PCDHA3: variants seen among roughly 807,000 people sequenced by gnomAD.
PCDHA3 encodes the protein protocadherin alpha-3.
Under a neutral mutation model 62.2 loss-of-function variants are expected in PCDHA3, and 41 were observed. The ratio of observed to expected loss-of-function variants is 0.66; its 90% CI spans 0.51 to 0.86. The LOEUF (loss-of-function observed/expected upper bound fraction) is 0.86, where lower values mean the gene tolerates loss of function less well. PCDHA3 is among the 40% of genes least tolerant of loss of function. The probability of loss-of-function intolerance (pLI) is 0.00; values close to 1 mark genes in which losing one functional copy is unlikely to be tolerated. For missense variants in PCDHA3, 1,304 were observed against 1,241.2 expected (o/e 1.05, Z -0.76); for synonymous variants, 640 against 555.4 (o/e 1.15, Z -2.14).
Position 140,872,869 on chromosome 5 carries a change from T to G in PCDHA3, c.2394+69278T>G, listed in dbSNP as rs192241401. On this transcript the variant is annotated intron_variant, in intron 1 of 3. Coordinates refer to ENST00000522353, the MANE Select transcript of PCDHA3 (RefSeq NM_018906.3). ...ATTAATGTGAGTACCTACTGACAAT[T>G]ATCAGTTTCATTCATCTCACTTTGT... is the stretch of plus-strand genomic sequence containing the variant. 4.6e-5 allele frequency among the ~76,000 whole-genome samples: 7 copies of G among 152,364 alleles called. No individual in the cohort carries two copies. In the East Asian group the frequency reaches 1.3e-3, roughly 29 times the overall value.
chr5:140,873,412 T>C (rs2054273798), intron 1 of PCDHA3, among the ~76,000 whole-genome samples: 1 of 152,210 alleles, frequency 6.6e-6, no homozygotes, highest in Non-Finnish European at 1.5e-5. Context: ...GGTTAAAATT[T>C]TGTAAATTAT....
rs1554202869 is a variant in PCDHA3, at chr5:140,925,671, A to AATG, written c.2395-53276_2395-53275insGAT. Among the ~76,000 whole-genome samples the AATG allele has an allele frequency of 4.6e-4, 68 of 148,180 alleles. 1 individual carries two copies. The highest frequency in any genetic ancestry group is 1.6e-3 in the African/African-American group (66 of 40,022). On this transcript the variant is annotated intron_variant, in intron 1 of 3. Transcript: ENST00000522353. ...TAATAATAATAATAATAATAATAAT[A>AATG]ATAATAAAGCGAGGGTGGGTATCTA...
intron 1 of PCDHA3, chr5:140,841,578 T>C: frequency 1.2e-6 from 2 of 1,614,008 alleles, no homozygotes; most frequent in Non-Finnish European, 1.7e-6. Flanking sequence ...ATTTTGTTTG[T>C]GAATTCTCGG....
chr5:141,005,034 T>C (rs1435712039), intron 3 of PCDHA3, among the ~76,000 whole-genome samples: 1 of 152,222 alleles, frequency 6.6e-6, no homozygotes, highest in Non-Finnish European at 1.5e-5. Flanking sequence ...ATTGCCCATA[T>C]GTGATACCAT....
chr5:140,852,882 C>A (rs1562485802), intron 1 of PCDHA3: 2 of 936,178 alleles, frequency 2.1e-6, no homozygotes, highest in South Asian at 4.9e-5. Flanking sequence ...AATCATAAAA[C>A]GTATTTTTTT....
chr5:140,848,963 C>G (rs376979276), intron 1 of PCDHA3: 3 of 1,606,264 alleles, frequency 1.9e-6, no homozygotes, highest in Non-Finnish European at 1.7e-6. Flanking sequence ...CACTAGAGGG[C>G]GCGTCCGATG....
At chr5:140,884,130 C>A in intron 1 of PCDHA3, 1 of 1,613,434 alleles carries the variant, frequency 6.2e-7, no homozygotes, top group South Asian at 1.1e-5. Context: ...GCGCGCATCC[C>A]GTTCCGCGTG....
At chr5:140,952,301 T>C (rs246036) in intron 1 of PCDHA3, among the ~76,000 whole-genome samples, 3 of 149,380 alleles carry the variant, frequency 2.0e-5, no homozygotes. Flanking sequence ...CACAGCCATT[T>C]CACTCCAGCC....
intron 1 of PCDHA3, chr5:140,811,340 A>G (rs955953470): frequency 1.3e-5 from 2 of 151,638 alleles, no homozygotes; most frequent in Non-Finnish European, 2.9e-5. Flanking sequence ...ACATGAACTC[A>G]CCCTTTTTTA....
At chr5:140,819,551 T>C (rs1454917586) in intron 1 of PCDHA3, among the ~76,000 whole-genome samples, 1 of 152,140 alleles carries the variant, frequency 6.6e-6, no homozygotes, top group Non-Finnish European at 1.5e-5. Context: ...TAACATTTGA[T>C]TGAAGAAAAT....
intron 1 of PCDHA3, among the ~76,000 whole-genome samples, chr5:140,903,156 T>G (rs1287323901): frequency 6.6e-6 from 1 of 152,232 alleles, no homozygotes; most frequent in Non-Finnish European, 1.5e-5. Flanking sequence ...CCATAGTGGT[T>G]GTGCTGGTTT....
chr5:140,834,708 A>G lies in PCDHA3; in HGVS notation c.2394+31117A>G. ...GGAGTGCAGCATCCACCTGGAGGTG[A>G]TCGTGGAAAGGCCGCTGCAGGTTTT... On this transcript the variant is annotated intron_variant, in intron 1 of 3. Coordinates refer to ENST00000522353, the MANE Select transcript of PCDHA3 (RefSeq NM_018906.3). The G allele has an allele frequency of 2.5e-6, 4 of 1,614,234 alleles. No individual in the cohort carries two copies. In the South Asian group the frequency reaches 3.3e-5, roughly 13 times the overall value.
At chr5:140,823,702 C>G (rs1554129555) in intron 1 of PCDHA3, 1 of 1,613,834 alleles carries the variant, frequency 6.2e-7, no homozygotes, top group Non-Finnish European at 8.5e-7. Context: ...CGAAGCACCG[C>G]GCCACCGCCT....
chr5:140,829,386 C>A, intron 1 of PCDHA3: 1 of 1,614,034 alleles, frequency 6.2e-7, no homozygotes, highest in Non-Finnish European at 8.5e-7. Flanking sequence ...GACGGGGGCT[C>A]GCCTTCGCTG....
At chr5:140,809,878 C>T (rs964149878) in intron 1 of PCDHA3, 2 of 246,758 alleles carry the variant, frequency 8.1e-6, no homozygotes, top group Non-Finnish European at 1.5e-5. Context: ...TATTATTTAA[C>T]CTATTACATA....
chr5:140,927,920 T>G (rs782193396), intron 1 of PCDHA3: 1 of 1,614,120 alleles, frequency 6.2e-7, no homozygotes, highest in Non-Finnish European at 8.5e-7. Flanking sequence ...CTGGACTTCC[T>G]GACTCTTTCG....
chr5:140,808,300 G>C (rs1764141064), intron 1 of PCDHA3: 1 of 1,614,256 alleles, frequency 6.2e-7, no homozygotes, highest in African/African-American at 1.3e-5. Context: ...TCATCGCCCT[G>C]ATCAGCGTGT....
Position 140,883,341 on chromosome 5 carries a change from C to A in PCDHA3, c.2394+79750C>A, listed in dbSNP as rs144000682. The A allele has an allele frequency of 4.3e-5, 70 of 1,614,144 alleles. No homozygotes were observed. The African/African-American group carries it at 9.1e-4, about 21-fold the overall frequency. The stretch of plus-strand genomic sequence containing the variant: ...GTTACCATCACTTCTTTGTCACTCC[C>A]CATCAGAGAAGACACTCAGCCTAGC... On this transcript the variant is annotated intron_variant, in intron 1 of 3. Transcript: ENST00000522353.
chr5:140,992,485 A>T (rs1234957114), intron 3 of PCDHA3, among the ~76,000 whole-genome samples: 1 of 152,208 alleles, frequency 6.6e-6, no homozygotes, highest in Non-Finnish European at 1.5e-5. Flanking sequence ...CCCAGAGGCC[A>T]ATCTGTAAGG....
Sources: allele counts gnomAD v4.1 joint callset (sites outside exome capture counted in the v4.1 genomes callset), GRCh38; gene constraint gnomAD v4.1.1; transcripts MANE v1.5; gene names NCBI Gene and HGNC (gene_info 2026-07-23, HGNC 2026-07-21).